Variants in PCDH15 observed in about 807,000 individuals in gnomAD.
PCDH15 encodes protocadherin-15.
A neutral mutation model predicts 178.5 loss-of-function variants in PCDH15; 129 were observed. The ratio of observed to expected loss-of-function variants is 0.72; its 90% CI spans 0.63 to 0.84. PCDH15 has a LOEUF of 0.84. Ranked by LOEUF, PCDH15 falls within the 40% of genes least tolerant of loss-of-function variation. PCDH15 has a pLI of 0.00. For synonymous variants in PCDH15, 800 were observed against 732.0 expected, an observed-to-expected ratio of 1.09 and a Z score of -1.50; for missense variants, 2,230 against 2,099.9, an observed-to-expected ratio of 1.06 and a Z score of -1.21.
intron 3 of PCDH15, among the ~76,000 whole-genome samples, chr10:54,820,378 T>C (rs1423509691): frequency 6.6e-6 from 1 of 152,100 alleles, no homozygotes; most frequent in Non-Finnish European, 1.5e-5. Flanking sequence ...ATTGATGATC[T>C]CATTTAGTCT....
intron 1 of PCDH15, among the ~76,000 whole-genome samples, chr10:54,697,677 A>AAGGGAGGAAGGGAGGAAGGGAGGAAGGG (rs1565970670): frequency 1.7e-5 from 2 of 120,472 alleles, no homozygotes; most frequent in East Asian, 5.2e-4. Flanking sequence ...GGGGAAGGGG[A>AAGGGAGGAAGGGAGGAAGGGAGGAAGGG]AGGGAGGAAG....
chr10:55,497,153 A>T (rs923627357), intron 2 of PCDH15, among the ~76,000 whole-genome samples: 3 of 151,878 alleles, frequency 2.0e-5, no homozygotes, highest in African/African-American at 7.3e-5. Context: ...TCTTTGAGAC[A>T]GCATCTTGCT....
intron 2 of PCDH15, among the ~76,000 whole-genome samples, chr10:55,114,142 G>A (rs949045603): frequency 6.6e-6 from 1 of 151,888 alleles, no homozygotes; most frequent in African/African-American, 2.4e-5. Context: ...TGGTAGAGAC[G>A]GGGTTTCACC....
Position 54,382,360 on chromosome 10 carries a change from A to G in PCDH15, c.158-3418T>C, listed in dbSNP as rs1391593189. Among the ~76,000 whole-genome samples, 4 of 152,170 alleles carry G rather than the reference A, an allele frequency of 2.6e-5. No homozygotes were observed. In the East Asian group the frequency reaches 7.7e-4, roughly 29 times the overall value. On this transcript the variant is annotated intron_variant, in intron 3 of 37. Transcript: ENST00000644397. ...TACAGGAGTTCATGTAACTGCTAAT[A>G]TAGACTCTATTTGTACAGAATAAAT...
At chr10:55,275,146 AT>A (rs1445193311) in intron 1 of PCDH15, among the ~76,000 whole-genome samples, 1 of 151,850 alleles carries the variant, frequency 6.6e-6, no homozygotes, top group Admixed American at 6.6e-5. Context: ...CTGATAATAT[AT>A]TTTTTCTTCA....
At chr10:54,223,579 AAC>A (rs1180517409) in intron 9 of PCDH15, among the ~76,000 whole-genome samples, 1 of 143,290 alleles carries the variant, frequency 7.0e-6, no homozygotes, top group East Asian at 1.9e-4. Context: ...TTTATACCTT[AAC>A]AGTTTTTTCT....
intron 2 of PCDH15, among the ~76,000 whole-genome samples, chr10:54,655,308 G>GAGAGAGAGAGAC (rs2094373639): frequency 3.9e-5 from 5 of 128,702 alleles, no homozygotes; most frequent in African/African-American, 1.1e-4. Context: ...GAGAGACAGA[G>GAGAGAGAGAGAC]AGAGAGACAG....
rs76564182 is a variant in PCDH15 at position 54,278,895 on chromosome 10, C to T, written c.876+38376G>A. Among the ~76,000 whole-genome samples the T allele has an allele frequency of 5.6e-4, 85 of 151,630 alleles. 1 individual carries two copies. In the East Asian group the frequency reaches 0.013, roughly 22 times the overall value. ...ATCTGCACTTCAATTCTTCTTAGTT[C>T]GAGACTCACTTCAACCTACCGCATC... On this transcript the variant is annotated intron_variant, in intron 8 of 37. Transcript: ENST00000644397.
chr10:54,170,634 C>T (rs1303106062), intron 13 of PCDH15, among the ~76,000 whole-genome samples: 1 of 151,632 alleles, frequency 6.6e-6, no homozygotes, highest in Non-Finnish European at 1.5e-5. Context: ...ATTCCTGATA[C>T]CACACCTGAC....
At chr10:54,237,445 T>C (rs1044994893) in intron 8 of PCDH15, among the ~76,000 whole-genome samples, 3 of 152,160 alleles carry the variant, frequency 2.0e-5, no homozygotes, top group African/African-American at 7.2e-5. Flanking sequence ...TGATTTTAAA[T>C]ATTGCAGGTA....
At chr10:53,895,976 G>T (rs1233573452) in intron 26 of PCDH15, among the ~76,000 whole-genome samples, 3 of 152,234 alleles carry the variant, frequency 2.0e-5, no homozygotes, top group African/African-American at 7.2e-5. Context: ...TGGGTATTTG[G>T]CTGAGTAATA....
intron 14 of PCDH15, among the ~76,000 whole-genome samples, chr10:54,146,860 G>GT (rs2043954805): frequency 6.9e-6 from 1 of 144,038 alleles, no homozygotes; most frequent in Non-Finnish European, 1.5e-5. Context: ...GGGTCGATCT[G>GT]TAAAAAAAAT....
At chr10:54,208,538 C>T (rs920036350) in intron 10 of PCDH15, among the ~76,000 whole-genome samples, 2 of 152,006 alleles carry the variant, frequency 1.3e-5, no homozygotes, top group African/African-American at 4.8e-5. Context: ...CCTCTTTCCA[C>T]CAAGTGAAGA....
At chr10:55,472,569 T>A in intron 2 of PCDH15, among the ~76,000 whole-genome samples, 1 of 152,096 alleles carries the variant, frequency 6.6e-6, no homozygotes, top group East Asian at 1.9e-4. Flanking sequence ...ACATGAACTT[T>A]TTTTTGTTGT....
chr10:54,738,578 C>A (rs1828128149), intron 1 of PCDH15, among the ~76,000 whole-genome samples: 1 of 151,868 alleles, frequency 6.6e-6, no homozygotes, highest in African/African-American at 2.4e-5. Context: ...AATTACCATA[C>A]CAAAACCAGA....
chr10:53,808,757 T>C, intron 37 of PCDH15: 1 of 1,612,950 alleles, frequency 6.2e-7, no homozygotes, highest in Non-Finnish European at 8.5e-7. Context: ...GCATTCTTGC[T>C]TCTGTCATAC....
At chr10:53,964,380 A>ATAAATTTTATTTATTCATAAAATT (rs1564876080) in intron 21 of PCDH15, among the ~76,000 whole-genome samples, 12 of 117,934 alleles carry the variant, frequency 1.0e-4, no homozygotes, top group Admixed American at 1.8e-4. Flanking sequence ...AAAAAAATTT[A>ATAAATTTTATTTATTCATAAAATT]TTTATAAATT....
At chr10:53,962,953 A>G (rs1437625780) in intron 21 of PCDH15, among the ~76,000 whole-genome samples, 2 of 152,192 alleles carry the variant, frequency 1.3e-5, no homozygotes, top group African/African-American at 4.8e-5. Flanking sequence ...TGAGCAGAGA[A>G]CTAGTATGTG....
chr10:53,992,787 G>A (rs973649424), intron 21 of PCDH15, among the ~76,000 whole-genome samples: 1 of 152,140 alleles, frequency 6.6e-6, no homozygotes, highest in African/African-American at 2.4e-5. Context: ...TAATGTCAAC[G>A]CTGTCACGAA....
Sources: gnomAD v4.1 joint callset for allele counts (sites outside exome capture counted in the v4.1 genomes callset) on GRCh38, gnomAD v4.1.1 for gene constraint, MANE v1.5 for transcripts, NCBI Gene and HGNC (gene_info 2026-07-23, HGNC 2026-07-21) for gene names.